The following KCNH1 variants were observed in gnomAD, a reference collection of about 807,000 sequenced individuals.
The protein encoded by KCNH1 is voltage-gated delayed rectifier potassium channel KCNH1.
In KCNH1, 27 loss-of-function variants were observed where a neutral mutation model predicts 69.2. The observed-to-expected ratio is 0.39, with a 90% CI of 0.29 to 0.54. KCNH1 has a LOEUF of 0.54. Ranked by LOEUF, KCNH1 falls within the 20% of genes least tolerant of loss-of-function variation. KCNH1 has a pLI of 0.68. For missense variants in KCNH1, 798 were observed against 1,261.6 expected (o/e 0.63, Z 5.57); for synonymous variants, 456 against 487.7 (o/e 0.93, Z 0.86).
chr1:210,892,827 C>T (rs886184727), intron 7 of KCNH1, among the ~76,000 whole-genome samples: 2 of 152,174 alleles, frequency 1.3e-5, no homozygotes, highest in African/African-American at 2.4e-5. Context: ...AATACTGATC[C>T]ACTCAATAAG....
intron 1 of KCNH1, among the ~76,000 whole-genome samples, chr1:211,130,791 T>C (rs973974796): frequency 2.0e-5 from 3 of 152,200 alleles, no homozygotes; most frequent in Non-Finnish European, 4.4e-5. Context: ...TACTTTATAA[T>C]GGGGCACACA....
intron 6 of KCNH1, among the ~76,000 whole-genome samples, chr1:210,961,355 C>T (rs1688289271): frequency 2.0e-5 from 3 of 151,764 alleles, no homozygotes; most frequent in African/African-American, 4.8e-5. Flanking sequence ...TTCATTGGGA[C>T]AGTTTATGCT....
chr1:210,704,674 A>C (rs1681864601), intron 10 of KCNH1, among the ~76,000 whole-genome samples: 1 of 152,266 alleles, frequency 6.6e-6, no homozygotes, highest in South Asian at 2.1e-4. Flanking sequence ...TGGCTCTTCC[A>C]AACCCAAATG....
chr1:211,100,768 G>A (rs765388785), intron 3 of KCNH1, among the ~76,000 whole-genome samples: 41 of 152,198 alleles, frequency 2.7e-4, no homozygotes, highest in Non-Finnish European at 4.6e-4. Context: ...CTGTTGGCAC[G>A]GAAGTCAGTC....
intron 10 of KCNH1, among the ~76,000 whole-genome samples, chr1:210,702,587 A>G (rs1268535892): frequency 6.6e-6 from 1 of 152,158 alleles, no homozygotes; most frequent in African/African-American, 2.4e-5. Flanking sequence ...CTTTAATGTA[A>G]GCATTTTTCT....
chr1:210,941,866 GT>G (rs1189178547), intron 6 of KCNH1, among the ~76,000 whole-genome samples: 1 of 152,258 alleles, frequency 6.6e-6, no homozygotes, highest in African/African-American at 2.4e-5. Context: ...CCTTTATACT[GT>G]TTATGGTTTT....
chr1:211,121,677 A>T (rs1691687408), intron 1 of KCNH1, among the ~76,000 whole-genome samples: 1 of 152,252 alleles, frequency 6.6e-6, no homozygotes, highest in Non-Finnish European at 1.5e-5. Context: ...CAAAATTGAC[A>T]AATGGGATCT....
chr1:210,939,242 C>G (rs76524792), intron 6 of KCNH1, among the ~76,000 whole-genome samples: 4 of 151,862 alleles, frequency 2.6e-5, no homozygotes, highest in Non-Finnish European at 4.4e-5. Context: ...CATTTGACTG[C>G]GGGGGGAGAC....
intron 10 of KCNH1, among the ~76,000 whole-genome samples, chr1:210,740,356 A>G (rs6665563): frequency 0.82 from 124,916 of 152,104 alleles, 51,344 homozygotes; most frequent in East Asian, 0.88. Context: ...TTTCAGAAAC[A>G]GACTTTTACC....
In KCNH1 at chr1:211,035,287, C is replaced by T. The variant is rs535916320; in HGVS notation, c.559-16031G>A. Among the ~76,000 whole-genome samples, 382 of 119,454 alleles carry T rather than the reference C, an allele frequency of 3.2e-3. 5 individuals carry two copies. Among genetic ancestry groups the T allele is most frequent in the South Asian group, 0.026 (89 of 3,460 alleles). The allele number at this position is 119,454 out of a possible 152,430, so 78.4% of individuals were successfully genotyped here. On this transcript the variant is annotated intron_variant, in intron 5 of 10. Transcript: ENST00000271751. ...TTTTTGAGACGGAGTCTCGCTCTGTCGCCCAGGCTGGAGTGCAGTGGCGGG... is the reference window on the plus strand; with the variant it reads ...TTTTTGAGACGGAGTCTCGCTCTGTTGCCCAGGCTGGAGTGCAGTGGCGGG...
chr1:210,741,451 C>G (rs1007962377), intron 10 of KCNH1, among the ~76,000 whole-genome samples: 1 of 151,764 alleles, frequency 6.6e-6, no homozygotes, highest in African/African-American at 2.4e-5. Context: ...GGTGGGGAGG[C>G]GAAAGGAGAA....
intron 7 of KCNH1, among the ~76,000 whole-genome samples, chr1:210,908,187 G>A (rs1318610875): frequency 2.6e-5 from 4 of 152,150 alleles, no homozygotes; most frequent in Non-Finnish European, 5.9e-5. Flanking sequence ...AAAATGAATG[G>A]CTAATTATCC....
chr1:210,903,310 G>A (rs1687033972), intron 7 of KCNH1, among the ~76,000 whole-genome samples: 1 of 152,090 alleles, frequency 6.6e-6, no homozygotes, highest in African/African-American at 2.4e-5. Context: ...TGGAAGTTTT[G>A]TTTTATTTAT....
chr1:210,861,199 AT>A, intron 7 of KCNH1: 2 of 970,900 alleles, frequency 2.1e-6, no homozygotes, highest in Non-Finnish European at 1.7e-6. Flanking sequence ...CAGCATCTGT[AT>A]AACACATCAA....
intron 7 of KCNH1, among the ~76,000 whole-genome samples, chr1:210,831,957 T>C (rs944269353): frequency 2.7e-5 from 4 of 147,108 alleles, no homozygotes; most frequent in Non-Finnish European, 4.5e-5. Context: ...CTGGTACAAC[T>C]GAGGAACAAT....
At chr1:210,772,331 A>C (rs529620739) in intron 10 of KCNH1, among the ~76,000 whole-genome samples, 1 of 152,150 alleles carries the variant, frequency 6.6e-6, no homozygotes, top group African/African-American at 2.4e-5. Flanking sequence ...TAAAACACTT[A>C]ATTTTGCCAA....
intron 6 of KCNH1, among the ~76,000 whole-genome samples, chr1:210,994,314 A>G (rs914858658): frequency 6.6e-6 from 1 of 152,192 alleles, no homozygotes; most frequent in African/African-American, 2.4e-5. Flanking sequence ...CTGAATGCCT[A>G]TTGTGTGCCA....
At chr1:210,988,168 A>C (rs12043952) in intron 6 of KCNH1, among the ~76,000 whole-genome samples, 36,035 of 152,002 alleles carry the variant, frequency 0.24, 5,842 homozygotes, top group African/African-American at 0.45. Context: ...CCAATTTTCC[A>C]GGTGCCGTCT....
rs1329354368 is a variant in KCNH1 at position 210,679,593 on chromosome 1, T to C, written c.*3688A>G. 6.6e-6 allele frequency: 1 copy of C among 152,262 alleles called. No individual in the cohort carries two copies. Among genetic ancestry groups the C allele is most frequent in the Non-Finnish European group, 1.5e-5 (1 of 68,080 alleles). 9.4% of individuals were successfully genotyped at this position (152,262 alleles called of 1,614,324 possible). ...CCCCACAAGGGCCTGGACAAAGAGC[T>C]TGACAGTTGGCATAATACTTCTACC... On this transcript the variant is annotated 3_prime_UTR_variant, in exon 11 of 11. Coordinates refer to ENST00000271751, the MANE Select transcript of KCNH1 (RefSeq NM_172362.3).
Sources: gnomAD v4.1 joint callset for allele counts (sites outside exome capture counted in the v4.1 genomes callset) on GRCh38, gnomAD v4.1.1 for gene constraint, MANE v1.5 for transcripts, NCBI Gene and HGNC (gene_info 2026-07-23, HGNC 2026-07-21) for gene names.